The following TBC1D22A variants were observed in gnomAD, a reference collection of about 807,000 sequenced individuals.
TBC1D22A encodes TBC1 domain family member 22A.
A neutral mutation model predicts 60.2 loss-of-function variants in TBC1D22A; 38 were observed. That is an observed-to-expected ratio of 0.63 (90% CI 0.49 to 0.83). The LOEUF (loss-of-function observed/expected upper bound fraction) is 0.83. Among genes scored for constraint, TBC1D22A ranks in the 40% least tolerant of loss-of-function variants. The probability of loss-of-function intolerance (pLI) is 0.00; values close to 1 mark genes in which losing one functional copy is unlikely to be tolerated. For synonymous variants in TBC1D22A, 302 were observed against 281.7 expected, an observed-to-expected ratio of 1.07 and a Z score of -0.72; for missense variants, 628 against 701.0, an observed-to-expected ratio of 0.90 and a Z score of 1.18.
chr22:47,111,517 G>A lies in TBC1D22A; in HGVS notation c.1339G>A (p.Asp447Asn). Residue 447 changes from aspartate to asparagine, a missense_variant, in exon 12 of 13, where the codon GAC becomes AAC. Physicochemically the swap from Asp to Asn is conservative, Grantham distance 23. Transcript: ENST00000337137. ...RLWDTYQSEP[D>N]GFSHFHLYVC... ...ATTTTTTCTCTTTTAGTCTGAACCGGACGGCTTTTCTCATTTCCACTTGTA... is the reference window on the plus strand; with the variant it reads ...ATTTTTTCTCTTTTAGTCTGAACCGAACGGCTTTTCTCATTTCCACTTGTA... The A allele has an allele frequency of 6.2e-7, 1 of 1,613,946 alleles. No individual in the cohort carries two copies.
chr22:46,903,146 G>A (rs543100842), intron 7 of TBC1D22A, among the ~76,000 whole-genome samples: 8 of 152,300 alleles, frequency 5.3e-5, no homozygotes, highest in Admixed American at 2.0e-4. Context: ...AGGGGACTCT[G>A]CAACCCAGCC....
At chr22:47,169,126 T>A (rs924686209) in intron 12 of TBC1D22A, among the ~76,000 whole-genome samples, 5 of 152,180 alleles carry the variant, frequency 3.3e-5, no homozygotes, top group Non-Finnish European at 7.3e-5. Context: ...CAGCTTGGCT[T>A]CCCACCTCCA....
intron 11 of TBC1D22A, among the ~76,000 whole-genome samples, chr22:47,087,160 C>T (rs1007887807): frequency 7.2e-5 from 11 of 152,214 alleles, no homozygotes; most frequent in Non-Finnish European, 1.3e-4. Context: ...TACACGCATA[C>T]GCGCATGCAC....
chr22:47,117,882 G>GGAGGCA (rs1296593426), intron 12 of TBC1D22A, among the ~76,000 whole-genome samples: 2 of 152,204 alleles, frequency 1.3e-5, no homozygotes, highest in Non-Finnish European at 2.9e-5. Context: ...CAGCACTTTG[G>GGAGGCA]GAGGCAGAGG....
chr22:47,108,923 C>CA (rs1569451624), intron 11 of TBC1D22A, among the ~76,000 whole-genome samples: 1 of 152,208 alleles, frequency 6.6e-6, no homozygotes, highest in African/African-American at 2.4e-5. Flanking sequence ...TCTTGATCTC[C>CA]TGACCTTGTG....
intron 12 of TBC1D22A, 80 bp downstream of exon 12, chr22:47,111,683 T>C: frequency 2.2e-6 from 3 of 1,338,376 alleles, no homozygotes; most frequent in Non-Finnish European, 3.1e-6. Context: ...GTTCACAGGG[T>C]TATTTGTGGA....
intron 9 of TBC1D22A, among the ~76,000 whole-genome samples, chr22:46,991,948 G>C (rs2074958690): frequency 6.6e-6 from 1 of 152,206 alleles, no homozygotes; most frequent in African/African-American, 2.4e-5. Context: ...CCCTCCAAGT[G>C]GTCTTCCAGG....
chr22:47,103,757 A>G (rs2065509602), intron 11 of TBC1D22A, among the ~76,000 whole-genome samples: 1 of 151,706 alleles, frequency 6.6e-6, no homozygotes, highest in South Asian at 2.1e-4. Flanking sequence ...GGTATTGAGG[A>G]CTAAGCTCTG....
chr22:46,853,881 A>T (rs1463830868), intron 4 of TBC1D22A, among the ~76,000 whole-genome samples: 2 of 151,818 alleles, frequency 1.3e-5, no homozygotes, highest in Non-Finnish European at 2.9e-5. Flanking sequence ...AGCACATGAG[A>T]CTCTTTTCTG....
intron 1 of TBC1D22A, among the ~76,000 whole-genome samples, chr22:46,782,429 C>G (rs968934546): frequency 1.3e-5 from 2 of 152,226 alleles, no homozygotes; most frequent in African/African-American, 4.8e-5. Flanking sequence ...GACGTCCCGG[C>G]CTTCCTGGGA....
chr22:46,932,977 C>T (rs556637491), intron 8 of TBC1D22A, among the ~76,000 whole-genome samples: 2 of 152,284 alleles, frequency 1.3e-5, no homozygotes, highest in South Asian at 4.1e-4. Flanking sequence ...CCTGCCTTGG[C>T]CTCCCAAAGT....
At chr22:47,111,082 C>T (rs548652646) in intron 11 of TBC1D22A, among the ~76,000 whole-genome samples, 4 of 152,332 alleles carry the variant, frequency 2.6e-5, no homozygotes, top group East Asian at 1.9e-4. Context: ...GCCTGATCTC[C>T]GGCTTGACTG....
In TBC1D22A at chr22:47,053,632, GAGGTTGA is replaced by G. The variant is rs577752784; in HGVS notation, c.1329+16435_1329+16441del. Among the ~76,000 whole-genome samples the G allele has an allele frequency of 3.2e-3, 487 of 152,360 alleles. 2 individuals carry two copies. Among genetic ancestry groups the G allele is most frequent in the Middle Eastern group, 0.01 (3 of 292 alleles). On this transcript the variant is annotated intron_variant, in intron 11 of 12. Transcript: ENST00000337137. ...GGAGGGAGGCCTCTGTGCACAGCAGGAGGTTGAGAGGTTGGTTTGAGGTAAACTTGTG... is the reference window on the plus strand; with the variant it reads ...GGAGGGAGGCCTCTGTGCACAGCAGGGAGGTTGGTTTGAGGTAAACTTGTG...
At chr22:46,897,645 T>TTTG (rs2068753662) in intron 7 of TBC1D22A, among the ~76,000 whole-genome samples, 2 of 118,918 alleles carry the variant, frequency 1.7e-5, no homozygotes, top group African/African-American at 6.3e-5. Context: ...GTTTTGTTTT[T>TTTG]TTTTGTGTTT....
chr22:46,898,144 A>T (rs1569190136), intron 7 of TBC1D22A, among the ~76,000 whole-genome samples: 2 of 152,042 alleles, frequency 1.3e-5, no homozygotes, highest in African/African-American at 2.4e-5. Flanking sequence ...ATTCTTATTT[A>T]TTTTTTCCTA....
chr22:46,864,319 A>C (rs1223238766), intron 4 of TBC1D22A, among the ~76,000 whole-genome samples: 1 of 152,234 alleles, frequency 6.6e-6, no homozygotes, highest in Non-Finnish European at 1.5e-5. Flanking sequence ...GTGGAAGCAG[A>C]GACAGAGCAG....
intron 4 of TBC1D22A, among the ~76,000 whole-genome samples, chr22:46,803,466 C>G (rs983694612): frequency 6.6e-6 from 1 of 152,182 alleles, no homozygotes; most frequent in African/African-American, 2.4e-5. Flanking sequence ...GGGGCCCGGC[C>G]CCCAGGAGCT....
At chr22:46,803,021 G>A (rs2084962886) in intron 4 of TBC1D22A, among the ~76,000 whole-genome samples, 1 of 152,062 alleles carries the variant, frequency 6.6e-6, no homozygotes, top group Admixed American at 6.6e-5. Context: ...ATTTCACTGG[G>A]GAGACAAAAT....
At chr22:46,850,800 A>G (rs1265346333) in intron 4 of TBC1D22A, among the ~76,000 whole-genome samples, 1 of 152,242 alleles carries the variant, frequency 6.6e-6, no homozygotes, top group Non-Finnish European at 1.5e-5. Flanking sequence ...ACAATTCAGT[A>G]TCTTTCACAG....
Sources: gnomAD v4.1 joint callset for allele counts (sites outside exome capture counted in the v4.1 genomes callset) on GRCh38, gnomAD v4.1.1 for gene constraint, MANE v1.5 for transcripts, NCBI Gene and HGNC (gene_info 2026-07-23, HGNC 2026-07-21) for gene names.